Variants in KRT3 observed in about 807,000 individuals in gnomAD.
The protein encoded by KRT3 is keratin 3, also known as keratin, type II cytoskeletal 3.
KRT3 carries 34 observed loss-of-function variants against 45.8 expected under a neutral mutation model. The ratio of observed to expected loss-of-function variants is 0.74; its 90% CI spans 0.57 to 0.99. The LOEUF (loss-of-function observed/expected upper bound fraction) is 0.99. KRT3 is among the 50% of genes least tolerant of loss of function. KRT3 has a pLI of 0.00. For synonymous variants in KRT3, 367 were observed against 329.0 expected, an observed-to-expected ratio of 1.12 and a Z score of -1.25; for missense variants, 828 against 820.6, an observed-to-expected ratio of 1.01 and a Z score of -0.11.
At position 52,790,086 on chromosome 12, in the gene KRT3, T is replaced by A. The variant is rs1181929565; in HGVS notation, c.1843A>T (p.Lys615Ter). ...SSASNRGGSI[K>*]FSQSSQSSQR... ...GAGGACTGGGAGGACTGGGAGAACT[T>A]GATGCTGCCGCCCCGGTTGCTGGCC... is the stretch of plus-strand genomic sequence containing the variant. Residue 615 changes from lysine (K) to a stop codon, truncating the protein, a stop_gained, in exon 9 of 9, where the codon AAG becomes TAG. Transcript: ENST00000417996. LOFTEE classifies it high-confidence loss of function. 1 of 1,541,798 alleles carries A rather than the reference T, an allele frequency of 6.5e-7. No homozygotes were observed. Among genetic ancestry groups the A allele is most frequent in the Non-Finnish European group, 8.7e-7 (1 of 1,146,838 alleles).
chr12:52,796,046 A>G lies in KRT3; in HGVS notation c.-4T>C, dbSNP rs899129945. On this transcript the variant is annotated 5_prime_UTR_variant, in exon 1 of 9. Coordinates refer to ENST00000417996, the MANE Select transcript of KRT3 (RefSeq NM_057088.3). ...TCTTGCTGGCTTGTCTGCTCATGGT[A>G]AGGAGCTTGGCGAAGAGAAGAGTGT... 1 of 1,612,914 alleles carries G rather than the reference A, an allele frequency of 6.2e-7. No individual in the cohort carries two copies. The highest frequency in any genetic ancestry group is 2.2e-5 in the East Asian group (1 of 44,890).
chr12:52,791,260 G>A lies in KRT3; in HGVS notation c.1481C>T (p.Ala494Val), dbSNP rs749872046. The change falls in exon 7 of 9, where the codon GCC becomes GTC. Residue 494 changes from alanine (A) to valine (V), a missense_variant. Ala to Val is a moderately conservative substitution (Grantham distance 64). Coordinates refer to ENST00000417996, the MANE Select transcript of KRT3 (RefSeq NM_057088.3). Reference protein sequence around the residue: ...DYQELMNVKLALDVEIATYRK... With the variant: ...DYQELMNVKLVLDVEIATYRK... Reference sequence around the variant, plus strand: ...GTAGGTGGCGATCTCCACGTCCAGGGCCAGCTTGACATTCATCAGCTCCTG... The same window carrying A: ...GTAGGTGGCGATCTCCACGTCCAGGACCAGCTTGACATTCATCAGCTCCTG... The A allele has an allele frequency of 7.4e-6, 12 of 1,614,110 alleles. No individual in the cohort carries two copies. Among genetic ancestry groups the A allele is most frequent in the African/African-American group, 6.7e-5 (5 of 74,932 alleles).
rs774799529 is a variant in KRT3, at chr12:52,791,374, G to A, written c.1367C>T (p.Ala456Val). ...IAEAEQHGEM[A>V]LKDANAKLQE... ...GAGCTTGGCATTGGCATCCTTGAGG[G>A]CCATCTCTCCATGCTGCTCGGCCTC... The change falls in exon 7 of 9, where the codon GCC becomes GTC. Residue 456 changes from alanine to valine, a missense_variant. Coordinates refer to ENST00000417996, the MANE Select transcript of KRT3 (RefSeq NM_057088.3). The A allele has an allele frequency of 6.2e-7, 1 of 1,614,230 alleles. No homozygotes were observed. Among genetic ancestry groups the A allele is most frequent in the Non-Finnish European group, 8.5e-7 (1 of 1,180,038 alleles).
rs763847196 is a variant in KRT3, at chr12:52,791,313, A to T, written c.1428T>A (p.Asp476Glu). ...AGTCACGTAGCAGCCGCGCCAGGTCATCCTTCGCCTGCTGTAGAGCAGCCT... is the reference window on the plus strand; with the variant it reads ...AGTCACGTAGCAGCCGCGCCAGGTCTTCCTTCGCCTGCTGTAGAGCAGCCT... Reference protein sequence around the residue: ...ELQAALQQAKDDLARLLRDYQ... With the variant: ...ELQAALQQAKEDLARLLRDYQ... The change falls in exon 7 of 9, where the codon GAT (aspartate) becomes GAA (glutamate). Residue 476 changes from aspartate (D) to glutamate (E), a missense_variant. Coordinates refer to ENST00000417996, the MANE Select transcript of KRT3 (RefSeq NM_057088.3). 6.2e-7 allele frequency: 1 copy of T among 1,614,230 alleles called. No individual in the cohort carries two copies. Among genetic ancestry groups the T allele is most frequent in the Non-Finnish European group, 8.5e-7 (1 of 1,180,034 alleles).
In KRT3 at chr12:52,796,102, A is replaced by G. The variant is rs988707410; in HGVS notation, c.-60T>C. ...AAGCAGGGACACTGAGAGTCAGAGGAAGAGGGATGGGAAATGAAGACCTGT... is the reference window on the plus strand; with the variant it reads ...AAGCAGGGACACTGAGAGTCAGAGGGAGAGGGATGGGAAATGAAGACCTGT... On this transcript the variant is annotated 5_prime_UTR_variant, in exon 1 of 9. Transcript: ENST00000417996. The G allele has an allele frequency of 4.5e-6, 7 of 1,571,742 alleles. No homozygotes were observed. The highest frequency in any genetic ancestry group is 6.1e-6 in the Non-Finnish European group (7 of 1,149,128).
intron 5 of KRT3, 122 bp from the exon 6 acceptor site, chr12:52,791,938 T>C (rs1266765753): frequency 2.1e-5 from 24 of 1,140,924 alleles, no homozygotes; most frequent in Non-Finnish European, 2.7e-5. Context: ...TGATACTGCA[T>C]TGTGTTTCAG....
rs1475220513 is a variant in KRT3, at chr12:52,789,965, C to A, written c.*77G>T. On this transcript the variant is annotated 3_prime_UTR_variant, in exon 9 of 9. Transcript: ENST00000417996. ...CGTTCTTGGGGAGCATGGGGTGGCGCTGGGGGTGTTGCCAATATGGGGGCG... is the reference window on the plus strand; with the variant it reads ...CGTTCTTGGGGAGCATGGGGTGGCGATGGGGGTGTTGCCAATATGGGGGCG... 6 of 1,412,684 alleles carry A rather than the reference C, an allele frequency of 4.2e-6. No homozygotes were observed. In the African/African-American group the frequency reaches 8.5e-5, roughly 20 times the overall value. The allele number at this position is 1,412,684 out of a possible 1,614,324, so 87.5% of individuals were successfully genotyped here. A position where few individuals can be genotyped will look rare whatever the true frequency, so the allele number is the denominator to read the frequency against.
At chr12:52,791,511 G>A (rs1023631268) in intron 6 of KRT3, 85 bp from the exon 7 acceptor site, 5 of 1,490,246 alleles carry the variant, frequency 3.4e-6, no homozygotes, top group Admixed American at 1.8e-5. Context: ...CCATCTTAAA[G>A]TCAGGGAACA....
chr12:52,789,923 C>T lies in KRT3; in HGVS notation c.*119G>A, dbSNP rs1396621996. On this transcript the variant is annotated 3_prime_UTR_variant, in exon 9 of 9. Coordinates refer to ENST00000417996, the MANE Select transcript of KRT3 (RefSeq NM_057088.3). ...GAAGGAGGAGCAAGAGGCCACAAGC[C>T]TTCCAGCGCAGAGCCGCGTTCTTGG... The T allele has an allele frequency of 1.9e-6, 2 of 1,073,432 alleles. No homozygotes were observed. The highest frequency in any genetic ancestry group is 4.0e-5 in the Admixed American group (2 of 49,494). 66.5% of individuals were successfully genotyped at this position (1,073,432 alleles called of 1,614,324 possible).
rs1333445893 is a variant in KRT3, at chr12:52,793,219, CA to C, written c.870del (p.Tyr290Ter). On this transcript the variant is annotated frameshift_variant, in exon 3 of 9. Coordinates refer to ENST00000417996, the MANE Select transcript of KRT3 (RefSeq NM_057088.3). LOFTEE classifies it high-confidence loss of function. Reference protein sequence around the residue: ...EDLVEDFKKKYEDEINKRTAA... With the variant: ...EDLVEDFKKKXEDEINKRTAA... ...GCTGTACGTTTATTGATTTCATCCT[CA>C]TATCTGTGTGAATAAAAAAGAAACA... The C allele has an allele frequency of 2.5e-6, 4 of 1,603,552 alleles. No individual in the cohort carries two copies. The highest frequency in any genetic ancestry group is 3.4e-6 in the Non-Finnish European group (4 of 1,174,358).
At position 52,790,314 on chromosome 12, in the gene KRT3, C is replaced by G. The variant is rs760792341; in HGVS notation, c.1615G>C (p.Gly539Arg). 5 of 1,582,684 alleles carry G rather than the reference C, an allele frequency of 3.2e-6. No homozygotes were observed. The Admixed American group carries it at 8.9e-5, about 28-fold the overall frequency. Reference sequence around the variant, plus strand: ...CCCATGCCTCCGCCGTAACCTCCTCCATAGCCACCTGCGGAGGCGGAAGTC... The same window carrying G: ...CCCATGCCTCCGCCGTAACCTCCTCGATAGCCACCTGCGGAGGCGGAAGTC... ...STTSASAGGY[G>R]GGYGGGMGGG... Residue 539 changes from glycine (G) to arginine (R), a missense_variant, in exon 9 of 9, where the codon GGA (glycine) becomes CGA (arginine). Coordinates refer to ENST00000417996, the MANE Select transcript of KRT3 (RefSeq NM_057088.3).
Position 52,792,705 on chromosome 12 carries a change from C to T in KRT3, c.1023+6G>A, listed in dbSNP as rs767433233. The T allele has an allele frequency of 2.5e-6, 4 of 1,595,758 alleles. No individual in the cohort carries two copies. The highest frequency in any genetic ancestry group is 1.1e-5 in the South Asian group (1 of 90,734). On this transcript the variant is annotated splice_donor_region_variant and intron_variant, in intron 4 of 8. Transcript: ENST00000417996. ...TCTGTCCCTTCTTAGTAGGTAACAT[C>T]CTTACAGCGTCGTAGAGGGTCCTTA... is the stretch of plus-strand genomic sequence containing the variant.
Position 52,791,307 on chromosome 12 carries a change from C to T in KRT3, c.1434G>A (p.Leu478=). 6.2e-7 allele frequency: 1 copy of T among 1,614,250 alleles called. No individual in the cohort carries two copies. Among genetic ancestry groups the T allele is most frequent in the Non-Finnish European group, 8.5e-7 (1 of 1,180,054 alleles). The change falls in exon 7 of 9, where the codon CTG becomes CTA. Residue 478 remains leucine (L), a synonymous_variant. Coordinates refer to ENST00000417996, the MANE Select transcript of KRT3 (RefSeq NM_057088.3). ...QAALQQAKDD[L]ARLLRDYQEL... ...CCTGGTAGTCACGTAGCAGCCGCGC[C>T]AGGTCATCCTTCGCCTGCTGTAGAG...
At chr12:52,791,563 A>G in intron 6 of KRT3, 128 bp downstream of exon 6, 1 of 1,450,834 alleles carries the variant, frequency 6.9e-7, no homozygotes, top group Non-Finnish European at 9.5e-7. Context: ...CCATTTGTGG[A>G]GATACTGCCC....
At chr12:52,792,615 G>T in intron 4 of KRT3, 96 bp downstream of exon 4, 2 of 1,026,832 alleles carry the variant, frequency 1.9e-6, no homozygotes, top group South Asian at 1.3e-5. Context: ...GCTCATTCCA[G>T]ATGTCTTCTG....
At chr12:52,793,277 C>A (rs1939568652) in intron 2 of KRT3, 54 bp from the exon 3 acceptor site, 2 of 1,244,290 alleles carry the variant, frequency 1.6e-6, no homozygotes, top group Non-Finnish European at 2.3e-6. Context: ...ATCGTAAACA[C>A]CATTGTTCCC....
chr12:52,792,089 A>G, intron 5 of KRT3, 150 bp downstream of exon 5: 1 of 750,944 alleles, frequency 1.3e-6, no homozygotes, highest in South Asian at 1.9e-5. Flanking sequence ...GACTTTCTGC[A>G]ACTGAACCAC....
Position 52,791,727 on chromosome 12 carries a change from C to T in KRT3, c.1278G>A (p.Gln426=), listed in dbSNP as rs1310862794. 6.2e-7 allele frequency: 1 copy of T among 1,614,148 alleles called. No homozygotes were observed. The highest frequency in any genetic ancestry group is 1.1e-5 in the South Asian group (1 of 91,086). The change falls in exon 6 of 9, where the codon CAG becomes CAA. Residue 426 remains glutamine, a synonymous_variant. Coordinates refer to ENST00000417996, the MANE Select transcript of KRT3 (RefSeq NM_057088.3). The part of the protein sequence containing the change: ...SEIIELNRMI[Q]RLRAEIEGVK... ...CACCCTCGATCTCTGCCCGCAGCCTCTGGATCATTCTGTTGAGCTCTATGA... is the reference window on the plus strand; with the variant it reads ...CACCCTCGATCTCTGCCCGCAGCCTTTGGATCATTCTGTTGAGCTCTATGA...
chr12:52,794,827 G>A (rs1012596637), intron 1 of KRT3, among the ~76,000 whole-genome samples: 3 of 152,186 alleles, frequency 2.0e-5, no homozygotes, highest in African/African-American at 7.2e-5. Context: ...CATGAGAACT[G>A]TCCTGGTCTG....
Sources: allele counts gnomAD v4.1 joint callset (sites outside exome capture counted in the v4.1 genomes callset), GRCh38; gene constraint gnomAD v4.1.1; transcripts MANE v1.5; gene names NCBI Gene and HGNC (gene_info 2026-07-23, HGNC 2026-07-21).